The following EXOC6 variants were observed in gnomAD, a reference collection of about 807,000 sequenced individuals.
EXOC6 encodes SEC15-like 1.
A neutral mutation model predicts 112.5 loss-of-function variants in EXOC6; 60 were observed. The observed-to-expected ratio is 0.53, with a 90% CI of 0.43 to 0.66. EXOC6 has a LOEUF of 0.66. Ranked by LOEUF, EXOC6 falls within the 30% of genes least tolerant of loss-of-function variation. EXOC6 has a pLI of 0.00. For synonymous variants in EXOC6, 295 were observed against 308.0 expected, an observed-to-expected ratio of 0.96 and a Z score of 0.44; for missense variants, 855 against 957.1, an observed-to-expected ratio of 0.89 and a Z score of 1.41.
chr10:92,845,661 G>A (rs1051638391), upstream of EXOC6, among the ~76,000 whole-genome samples: 1 of 152,040 alleles, frequency 6.6e-6, no homozygotes, highest in Non-Finnish European at 1.5e-5. Flanking sequence ...AGTTAGGGCC[G>A]GGGACGGTGG....
At position 93,058,967 on chromosome 10, in the gene EXOC6, G is replaced by A. The variant is rs1216045134; in HGVS notation, c.*612G>A. 6.6e-6 allele frequency: 1 copy of A among 152,176 alleles called. No homozygotes were observed. The highest frequency in any genetic ancestry group is 1.5e-5 in the Non-Finnish European group (1 of 68,032). The allele number at this position is 152,176 out of a possible 1,614,324, so 9.4% of individuals were successfully genotyped here. On this transcript the variant is annotated 3_prime_UTR_variant, in exon 22 of 22. Coordinates refer to ENST00000260762, the MANE Select transcript of EXOC6 (RefSeq NM_019053.6). ...TTAATCGTTCTGAATATGAACAAAA[G>A]GTTTTGGATTTTCTAAAGATGCAGT... is the stretch of plus-strand genomic sequence containing the variant.
At chr10:92,956,782 T>C (rs1161365105) in intron 17 of EXOC6, among the ~76,000 whole-genome samples, 1 of 152,130 alleles carries the variant, frequency 6.6e-6, no homozygotes, top group African/African-American at 2.4e-5. Flanking sequence ...GTGATTAAAT[T>C]CATATACTCT....
chr10:93,017,492 G>A (rs1383330969), intron 20 of EXOC6, among the ~76,000 whole-genome samples: 4 of 152,038 alleles, frequency 2.6e-5, no homozygotes, highest in Non-Finnish European at 5.9e-5. Flanking sequence ...GGGGGGCTGC[G>A]GCAGGGGAAT....
chr10:92,891,917 A>C (rs568119118), intron 1 of EXOC6, among the ~76,000 whole-genome samples: 2 of 152,346 alleles, frequency 1.3e-5, no homozygotes, highest in African/African-American at 4.8e-5. Flanking sequence ...AATATATTTT[A>C]AATACAAAAC....
chr10:92,911,703 T>C (rs755798360), intron 6 of EXOC6, among the ~76,000 whole-genome samples: 2 of 152,176 alleles, frequency 1.3e-5, no homozygotes, highest in Non-Finnish European at 2.9e-5. Context: ...AGACATTTCA[T>C]ACAGAAACCT....
intron 1 of EXOC6, among the ~76,000 whole-genome samples, chr10:92,873,451 C>T (rs1443028978): frequency 1.3e-5 from 2 of 152,174 alleles, no homozygotes; most frequent in Non-Finnish European, 2.9e-5. Context: ...AATTCAACAT[C>T]AGAAATATAC....
chr10:92,892,063 A>T (rs1849529183), intron 1 of EXOC6, among the ~76,000 whole-genome samples: 1 of 152,146 alleles, frequency 6.6e-6, no homozygotes, highest in South Asian at 2.1e-4. Flanking sequence ...AAGAAATGGG[A>T]CTTGAAATGA....
upstream of EXOC6, among the ~76,000 whole-genome samples, chr10:92,832,248 TTGAG>T (rs1846508847): frequency 6.6e-6 from 1 of 152,246 alleles, no homozygotes; most frequent in Non-Finnish European, 1.5e-5. Flanking sequence ...TAAGCATTTC[TTGAG>T]TATCTACTAT....
At chr10:92,995,362 A>G (rs1156283046) in intron 18 of EXOC6, among the ~76,000 whole-genome samples, 1 of 151,966 alleles carries the variant, frequency 6.6e-6, no homozygotes, top group Non-Finnish European at 1.5e-5. Flanking sequence ...AAAAGTTTAC[A>G]TAAAACAATA....
At chr10:92,997,444 T>C (rs992282676) in intron 18 of EXOC6, 30 bp from the exon 19 acceptor site, 11 of 1,583,282 alleles carry the variant, frequency 6.9e-6, no homozygotes, top group Non-Finnish European at 7.7e-6. Flanking sequence ...TGTTTATTTG[T>C]TTGATTTTTG....
In EXOC6 at chr10:92,893,516, T is replaced by G; in HGVS notation, c.269T>G (p.Leu90Arg). Residue 90 changes from leucine to arginine, a missense_variant, in exon 2 of 22, where the codon CTG (leucine) becomes CGG (arginine). Leu to Arg is a moderately radical substitution (Grantham distance 102). This residue lies in a region of EXOC6 where 405 missense variants were observed against 393.6 expected (regional missense o/e 1.03). Transcript: ENST00000260762. ...LLKVRTDAEK[L>R]KVQVTDTNRR... ...AAAGTAAGGACTGATGCAGAAAAAC[T>G]GAAGGTAAGAAATATGTTAAAATTA... 6.3e-7 allele frequency: 1 copy of G among 1,594,748 alleles called. No homozygotes were observed. Among genetic ancestry groups the G allele is most frequent in the Non-Finnish European group, 8.5e-7 (1 of 1,172,382 alleles).
At chr10:93,012,887 A>G (rs1222603) in intron 19 of EXOC6, among the ~76,000 whole-genome samples, 2 of 152,168 alleles carry the variant, frequency 1.3e-5, no homozygotes, top group East Asian at 1.9e-4. Flanking sequence ...CCCCAAAAAA[A>G]CAAAAAAATC....
At chr10:92,866,332 C>T (rs1437655657) in intron 1 of EXOC6, among the ~76,000 whole-genome samples, 1 of 152,032 alleles carries the variant, frequency 6.6e-6, no homozygotes, top group Non-Finnish European at 1.5e-5. Flanking sequence ...CTCCTATAGC[C>T]ACAAACATTC....
intron 12 of EXOC6, among the ~76,000 whole-genome samples, chr10:92,937,649 T>C (rs1178517697): frequency 6.6e-6 from 1 of 152,190 alleles, no homozygotes; most frequent in Non-Finnish European, 1.5e-5. Context: ...ATAAATTTTG[T>C]GATGACTGTA....
At chr10:93,049,120 C>T (rs1303235272) in intron 20 of EXOC6, among the ~76,000 whole-genome samples, 1 of 151,122 alleles carries the variant, frequency 6.6e-6, no homozygotes, top group African/African-American at 2.4e-5. Flanking sequence ...TGCAGTGGTG[C>T]AATCTCAGAT....
intron 17 of EXOC6, among the ~76,000 whole-genome samples, chr10:92,973,665 G>C (rs1322486289): frequency 6.6e-6 from 1 of 152,142 alleles, no homozygotes; most frequent in Non-Finnish European, 1.5e-5. Flanking sequence ...TTCTGTGATA[G>C]TCCAACTTAA....
chr10:92,954,043 G>C (rs561104635), intron 15 of EXOC6, among the ~76,000 whole-genome samples: 7 of 152,280 alleles, frequency 4.6e-5, no homozygotes, highest in Non-Finnish European at 8.8e-5. Context: ...CACTTTGGGA[G>C]GCCAAGGTGG....
intron 17 of EXOC6, among the ~76,000 whole-genome samples, chr10:92,971,936 A>G (rs1474476895): frequency 2.0e-5 from 3 of 152,146 alleles, no homozygotes; most frequent in Non-Finnish European, 4.4e-5. Context: ...ACCTCTCCCA[A>G]GGGTTTGTTG....
intron 18 of EXOC6, among the ~76,000 whole-genome samples, chr10:92,981,389 A>G (rs1460273167): frequency 1.3e-5 from 2 of 152,194 alleles, no homozygotes. Context: ...TATAAATGTT[A>G]ATTGTGTACT....
Sources: gnomAD v4.1 joint callset for allele counts (sites outside exome capture counted in the v4.1 genomes callset) on GRCh38, gnomAD v4.1.1 for gene constraint, gnomAD v4.1.1 regional missense constraint, MANE v1.5 for transcripts, NCBI Gene and HGNC (gene_info 2026-07-23, HGNC 2026-07-21) for gene names.